Variants in NRXN1 observed in about 807,000 individuals in gnomAD.
NRXN1 encodes neurexin-1.
Under a neutral mutation model 150.9 loss-of-function variants are expected in NRXN1, and 39 were observed. The ratio of observed to expected loss-of-function variants is 0.26; its 90% CI spans 0.20 to 0.34. The LOEUF is 0.34. NRXN1 is among the 10% of genes least tolerant of loss of function. The pLI is 1.00. For missense variants in NRXN1, 1,815 were observed against 1,949.9 expected (o/e 0.93, Z 1.30); for synonymous variants, 924 against 757.0 (o/e 1.22, Z -3.62).
intron 2 of NRXN1, among the ~76,000 whole-genome samples, chr2:50,975,223 C>T (rs556712549): frequency 1.3e-5 from 2 of 152,182 alleles, no homozygotes; most frequent in East Asian, 3.9e-4. Context: ...ATTTTCTCAA[C>T]TTTAATTTCT....
intron 18 of NRXN1, among the ~76,000 whole-genome samples, chr2:50,184,069 G>T (rs1017213231): frequency 6.6e-6 from 1 of 151,918 alleles, no homozygotes; most frequent in Admixed American, 6.6e-5. Flanking sequence ...TAAAAAGTTC[G>T]ACAGGAAGTT....
At chr2:50,974,283 T>C (rs1695485389) in intron 2 of NRXN1, among the ~76,000 whole-genome samples, 1 of 152,166 alleles carries the variant, frequency 6.6e-6, no homozygotes, top group Non-Finnish European at 1.5e-5. Context: ...CATGTTATTC[T>C]CATTTTGGCC....
Position 50,091,339 on chromosome 2 carries a change from G to T in NRXN1, c.3702C>A (p.Ile1234=), listed in dbSNP as rs201812430. 2 of 1,614,110 alleles carry T rather than the reference G, an allele frequency of 1.2e-6. No individual in the cohort carries two copies. Among genetic ancestry groups the T allele is most frequent in the East Asian group, 4.5e-5 (2 of 44,872 alleles). ...ATLQVDSWPV[I]ERYPAGNNDN... is the part of the protein sequence containing the mutation. The stretch of plus-strand genomic sequence containing the variant: ...CTTGCTTACCTGCAGGGTAGCGCTC[G>T]ATCACTGGCCAGCTGTCCACCTGCA... The change falls in exon 19 of 23, where the codon ATC becomes ATA. Residue 1234 remains isoleucine (I), a synonymous_variant. Transcript: ENST00000401669.
intron 17 of NRXN1, among the ~76,000 whole-genome samples, chr2:50,313,616 G>A (rs2075355862): frequency 6.6e-6 from 1 of 152,128 alleles, no homozygotes; most frequent in Non-Finnish European, 1.5e-5. Context: ...GACTTAAGCA[G>A]AAAGCTGACA....
intron 17 of NRXN1, among the ~76,000 whole-genome samples, chr2:50,285,582 T>C (rs189437754): frequency 3.3e-5 from 5 of 152,262 alleles, no homozygotes; most frequent in Admixed American, 2.6e-4. Flanking sequence ...CAAGAATCAT[T>C]TTTTTTCCCT....
intron 8 of NRXN1, among the ~76,000 whole-genome samples, chr2:50,577,609 A>G (rs1294765676): frequency 6.6e-6 from 1 of 152,114 alleles, no homozygotes; most frequent in Non-Finnish European, 1.5e-5. Flanking sequence ...ATAAAGGAGA[A>G]TATACTCCAT....
intron 17 of NRXN1, among the ~76,000 whole-genome samples, chr2:50,298,883 T>A (rs2073886437): frequency 6.6e-6 from 1 of 152,146 alleles, no homozygotes; most frequent in African/African-American, 2.4e-5. Flanking sequence ...TCACTCAAAC[T>A]CTCCTTTTGA....
intron 17 of NRXN1, among the ~76,000 whole-genome samples, chr2:50,275,778 T>C (rs530324488): frequency 6.6e-6 from 1 of 152,082 alleles, no homozygotes; most frequent in Non-Finnish European, 1.5e-5. Flanking sequence ...TCCTTCAAAT[T>C]TAAAAGAAAA....
At chr2:50,337,820 A>G (rs1050050992) in intron 17 of NRXN1, among the ~76,000 whole-genome samples, 17 of 152,246 alleles carry the variant, frequency 1.1e-4, no homozygotes, top group Admixed American at 5.9e-4. Context: ...AAAAAAACAC[A>G]AATTTTTCAT....
chr2:50,894,128 T>A (rs546463149), intron 5 of NRXN1, among the ~76,000 whole-genome samples: 5 of 151,806 alleles, frequency 3.3e-5, no homozygotes, highest in Non-Finnish European at 5.9e-5. Flanking sequence ...TTGGGAGATA[T>A]ACCTAATGCT....
chr2:50,591,144 G>A (rs984693240), intron 8 of NRXN1, among the ~76,000 whole-genome samples: 2 of 152,080 alleles, frequency 1.3e-5, no homozygotes, highest in African/African-American at 4.8e-5. Flanking sequence ...ATAGAATAGA[G>A]CTGGTTCTTT....
chr2:50,126,496 C>CA (rs5831091), intron 18 of NRXN1, among the ~76,000 whole-genome samples: 39,633 of 150,416 alleles, frequency 0.26, 5,634 homozygotes, highest in Admixed American at 0.4. Context: ...TATGGATTTA[C>CA]AAAAAAAAAT....
At chr2:50,107,539 A>ATATATATATATATTTTT (rs59921941) in intron 18 of NRXN1, among the ~76,000 whole-genome samples, 8 of 129,884 alleles carry the variant, frequency 6.2e-5, no homozygotes, top group East Asian at 4.6e-4. Flanking sequence ...ATATATATAT[A>ATATATATATATATTTTT]TTTTTTTTTT....
chr2:50,536,833 C>A (rs2093272555), intron 10 of NRXN1, among the ~76,000 whole-genome samples: 1 of 152,130 alleles, frequency 6.6e-6, no homozygotes, highest in South Asian at 2.1e-4. Context: ...AAAGAATATA[C>A]ACCATACTAA....
At chr2:50,833,500 C>T (rs1671690994) in intron 5 of NRXN1, among the ~76,000 whole-genome samples, 1 of 152,140 alleles carries the variant, frequency 6.6e-6, no homozygotes, top group Non-Finnish European at 1.5e-5. Flanking sequence ...ACAGAGAGAA[C>T]TTGCATATAT....
chr2:50,919,138 G>A (rs1685632401), intron 5 of NRXN1: 1 of 151,722 alleles, frequency 6.6e-6, no homozygotes, highest in South Asian at 2.1e-4. Flanking sequence ...TTGTGATTCT[G>A]CCAGCCCACA....
At chr2:50,707,556 C>T (rs548969481) in intron 5 of NRXN1, among the ~76,000 whole-genome samples, 2 of 152,114 alleles carry the variant, frequency 1.3e-5, no homozygotes, top group Admixed American at 1.3e-4. Flanking sequence ...AGCTTTTTAT[C>T]ATTTCAAAAC....
intron 8 of NRXN1, among the ~76,000 whole-genome samples, chr2:50,573,138 G>A (rs915892823): frequency 2.0e-5 from 3 of 152,050 alleles, no homozygotes; most frequent in Non-Finnish European, 4.4e-5. Context: ...GGGAGGTTGG[G>A]GCAGGAGGAT....
At chr2:50,284,278 T>C (rs911028435) in intron 17 of NRXN1, among the ~76,000 whole-genome samples, 1 of 152,294 alleles carries the variant, frequency 6.6e-6, no homozygotes, top group Middle Eastern at 3.4e-3. Flanking sequence ...TACTGTACCA[T>C]CTACTTGGAA....
Sources: gnomAD v4.1 joint callset for allele counts (sites outside exome capture counted in the v4.1 genomes callset) on GRCh38, gnomAD v4.1.1 for gene constraint, MANE v1.5 for transcripts, NCBI Gene and HGNC (gene_info 2026-07-23, HGNC 2026-07-21) for gene names.